Variants in SLC44A5 observed in about 807,000 individuals in gnomAD.
The protein encoded by SLC44A5 is choline transporter-like protein 5.
Under a neutral mutation model 101.8 loss-of-function variants are expected in SLC44A5, and 57 were observed. The ratio of observed to expected loss-of-function variants is 0.56; its 90% CI spans 0.45 to 0.70. SLC44A5 has a LOEUF of 0.70. Among genes scored for constraint, SLC44A5 ranks in the 30% least tolerant of loss-of-function variants. The pLI, the probability that SLC44A5 is intolerant of heterozygous loss-of-function variation, is 0.00. For synonymous variants in SLC44A5, 281 were observed against 290.9 expected (o/e 0.97, Z 0.35); for missense variants, 737 against 853.1 (o/e 0.86, Z 1.70).
At chr1:75,417,175 A>G (rs1663706537) in intron 2 of SLC44A5, among the ~76,000 whole-genome samples, 2 of 152,180 alleles carry the variant, frequency 1.3e-5, no homozygotes, top group African/African-American at 4.8e-5. Flanking sequence ...GGTGGGAGAC[A>G]ATAGAATCAT....
At chr1:75,516,071 C>T (rs1421997273) in intron 2 of SLC44A5, among the ~76,000 whole-genome samples, 3 of 152,182 alleles carry the variant, frequency 2.0e-5, no homozygotes, top group Admixed American at 2.0e-4. Context: ...GTTCAGTTTT[C>T]CAATTATAAT....
At chr1:75,206,733 A>G in intron 23 of SLC44A5, 16 of 1,445,444 alleles carry the variant, frequency 1.1e-5, no homozygotes, top group Non-Finnish European at 1.5e-5. Flanking sequence ...TATATGCAGC[A>G]GCCAAAGCAG....
chr1:75,398,341 C>A, intron 2 of SLC44A5: 1 of 983,360 alleles, frequency 1.0e-6, no homozygotes. Flanking sequence ...GCTATATAAA[C>A]TAGTAAATTT....
chr1:75,505,254 A>T (rs889044030), intron 2 of SLC44A5, among the ~76,000 whole-genome samples: 2 of 152,126 alleles, frequency 1.3e-5, no homozygotes, highest in Admixed American at 1.3e-4. Flanking sequence ...TCTGTATTCA[A>T]TCCACTGATA....
chr1:75,356,760 G>A (rs1163515333), intron 3 of SLC44A5, among the ~76,000 whole-genome samples: 2 of 152,106 alleles, frequency 1.3e-5, no homozygotes, highest in East Asian at 1.9e-4. Flanking sequence ...GTATTTACAG[G>A]TGTGCCATTT....
chr1:75,506,906 T>A (rs1669289277), intron 2 of SLC44A5, among the ~76,000 whole-genome samples: 1 of 140,230 alleles, frequency 7.1e-6, no homozygotes, highest in Non-Finnish European at 1.5e-5. Flanking sequence ...CTATTCCTAT[T>A]CTTTTTTTTT....
rs150670760 is a variant in SLC44A5, at chr1:75,224,362, C to G, written c.986-1902G>C. ...TTTTTGTTATTTCAGAGTGTACTCC[C>G]ACTACTTACTATAAAAAAAGTTATC... is the stretch of plus-strand genomic sequence containing the variant. On this transcript the variant is annotated intron_variant, in intron 13 of 23. Coordinates refer to ENST00000370859, the MANE Select transcript of SLC44A5 (RefSeq NM_001130058.2). Among the ~76,000 whole-genome samples, 885 of 152,206 alleles carry G rather than the reference C, an allele frequency of 5.8e-3. 11 individuals are homozygous for G. Among genetic ancestry groups the G allele is most frequent in the African/African-American group, 0.021 (855 of 41,528 alleles).
At chr1:75,433,934 C>T (rs1264027416) in intron 2 of SLC44A5, among the ~76,000 whole-genome samples, 1 of 152,088 alleles carries the variant, frequency 6.6e-6, no homozygotes, top group Non-Finnish European at 1.5e-5. Flanking sequence ...TGGGAAGCCC[C>T]TTATAAAACC....
intron 18 of SLC44A5, among the ~76,000 whole-genome samples, chr1:75,216,630 T>TTA (rs896095195): frequency 2.5e-4 from 38 of 151,972 alleles, no homozygotes; most frequent in Non-Finnish European, 4.0e-4. Flanking sequence ...TTCTTTGTTT[T>TTA]TATATATATA....
intron 4 of SLC44A5, among the ~76,000 whole-genome samples, chr1:75,317,039 CA>C (rs1655745275): frequency 6.6e-6 from 1 of 152,136 alleles, no homozygotes; most frequent in African/African-American, 2.4e-5. Flanking sequence ...AGGAAAATCC[CA>C]AGAACAATAG....
intron 5 of SLC44A5, among the ~76,000 whole-genome samples, chr1:75,288,481 A>G (rs1191856150): frequency 6.6e-6 from 1 of 152,254 alleles, no homozygotes; most frequent in African/African-American, 2.4e-5. Flanking sequence ...TCATGAATGA[A>G]TGAATGATAT....
the SLC44A5 span, among the ~76,000 whole-genome samples, chr1:75,713,940 G>C: frequency 6.6e-6 from 1 of 151,388 alleles, no homozygotes; most frequent in African/African-American, 2.4e-5. Context: ...GTAGCTGCGT[G>C]TACAGGTGTG....
intron 3 of SLC44A5, among the ~76,000 whole-genome samples, chr1:75,371,495 G>A (rs1217578908): frequency 6.6e-6 from 1 of 152,076 alleles, no homozygotes; most frequent in Non-Finnish European, 1.5e-5. Flanking sequence ...GACCCAAGTA[G>A]CTTTCTACAG....
intron 2 of SLC44A5, among the ~76,000 whole-genome samples, chr1:75,406,271 T>A (rs2942343): frequency 0.26 from 38,970 of 152,088 alleles, 5,354 homozygotes; most frequent in African/African-American, 0.35. Flanking sequence ...ACAGCCAAAT[T>A]CTACCAGAGG....
intron 4 of SLC44A5, among the ~76,000 whole-genome samples, chr1:75,326,820 T>G (rs2100983753): frequency 6.6e-6 from 1 of 152,188 alleles, no homozygotes; most frequent in South Asian, 2.1e-4. Context: ...GGTTGCAACT[T>G]TAGCTCCAAA....
intron 7 of SLC44A5, among the ~76,000 whole-genome samples, chr1:75,246,892 T>A (rs943929884): frequency 6.6e-6 from 1 of 151,912 alleles, no homozygotes; most frequent in African/African-American, 2.4e-5. Context: ...GACCCAAGTG[T>A]AGTGAGAAAA....
chr1:75,648,102 C>T, the SLC44A5 span, among the ~76,000 whole-genome samples: 5 of 152,244 alleles, frequency 3.3e-5, no homozygotes, highest in Admixed American at 1.3e-4. Context: ...GGGAAGGGAT[C>T]ACATGGGAAG....
intron 1 of SLC44A5, among the ~76,000 whole-genome samples, chr1:75,594,473 TA>T (rs951747795): frequency 5.3e-5 from 8 of 151,972 alleles, no homozygotes; most frequent in African/African-American, 1.9e-4. Flanking sequence ...ATAGTAAGAC[TA>T]AAAAAATTAG....
chr1:75,664,290 T>C, the SLC44A5 span, among the ~76,000 whole-genome samples: 5 of 152,118 alleles, frequency 3.3e-5, no homozygotes, highest in African/African-American at 4.8e-5. Flanking sequence ...CTATTCAACA[T>C]AGTACTGGAA....
Sources: allele counts gnomAD v4.1 joint callset (sites outside exome capture counted in the v4.1 genomes callset), GRCh38; gene constraint gnomAD v4.1.1; transcripts MANE v1.5; gene names NCBI Gene and HGNC (gene_info 2026-07-23, HGNC 2026-07-21).